The following JAM2 variants were observed in gnomAD, a reference collection of about 807,000 sequenced individuals.
The protein encoded by JAM2 is junctional adhesion molecule 2, also known as junctional adhesion molecule B.
A neutral mutation model predicts 42.0 loss-of-function variants in JAM2; 17 were observed. The observed-to-expected ratio is 0.40, with a 90% CI of 0.28 to 0.61. The LOEUF is 0.61. Ranked by LOEUF, JAM2 falls within the 20% of genes least tolerant of loss-of-function variation. The pLI is 0.37. For missense variants in JAM2, 319 were observed against 358.3 expected (o/e 0.89, Z 0.89); for synonymous variants, 118 against 128.6 (o/e 0.92, Z 0.56).
chr21:25,644,874 G>C (rs1358458533), intron 1 of JAM2, among the ~76,000 whole-genome samples: 1 of 146,898 alleles, frequency 6.8e-6, no homozygotes, highest in Non-Finnish European at 1.5e-5. Context: ...GGTTTTGTTT[G>C]TTTGTTTGTT....
intron 1 of JAM2, among the ~76,000 whole-genome samples, chr21:25,680,532 A>G (rs922942348): frequency 1.3e-5 from 2 of 152,232 alleles, no homozygotes; most frequent in Non-Finnish European, 2.9e-5. Context: ...GGGATTTGTA[A>G]AAATAAGACA....
intron 7 of JAM2, 89 bp downstream of exon 7, chr21:25,706,175 T>C (rs1384358084): frequency 1.2e-6 from 1 of 860,178 alleles, no homozygotes; most frequent in Non-Finnish European, 1.9e-6. Context: ...GAAGTTGTTT[T>C]TTTGTTTGTT....
At chr21:25,686,336 G>T (rs2033750966) in intron 2 of JAM2, among the ~76,000 whole-genome samples, 1 of 151,730 alleles carries the variant, frequency 6.6e-6, no homozygotes. Context: ...TCCAGTTTTG[G>T]CTCTTCATAA....
chr21:25,695,033 G>A (rs1356049005), intron 4 of JAM2, among the ~76,000 whole-genome samples: 2 of 151,452 alleles, frequency 1.3e-5, no homozygotes, highest in East Asian at 3.9e-4. Context: ...CGCAGAGGGG[G>A]ATTTGGCAGG....
In JAM2 at chr21:25,700,327, A is replaced by C. The variant is rs1464687528; in HGVS notation, c.597+1448A>C. 2.0e-5 allele frequency among the ~76,000 whole-genome samples: 3 copies of C among 151,604 alleles called. No homozygotes were observed. The East Asian group carries it at 5.8e-4, about 29-fold the overall frequency. On this transcript the variant is annotated intron_variant, in intron 5 of 9. Coordinates refer to ENST00000480456, the MANE Select transcript of JAM2 (RefSeq NM_021219.4). ...ATGACAGCGATTATCAAAAAAAAAA[A>C]CTTAAAGGCGTGGTGATAATAACAA...
At chr21:25,665,011 T>G (rs967489693) in intron 1 of JAM2, among the ~76,000 whole-genome samples, 1 of 152,256 alleles carries the variant, frequency 6.6e-6, no homozygotes, top group African/African-American at 2.4e-5. Flanking sequence ...AAAATGCTAC[T>G]TAATTTCATC....
intron 1 of JAM2, among the ~76,000 whole-genome samples, chr21:25,647,922 A>T (rs775284093): frequency 6.6e-6 from 1 of 152,236 alleles, no homozygotes; most frequent in Non-Finnish European, 1.5e-5. Context: ...TAAAAAATGC[A>T]CTAGAGGGCT....
At chr21:25,640,806 C>T (rs2032413288) in intron 1 of JAM2, among the ~76,000 whole-genome samples, 1 of 138,768 alleles carries the variant, frequency 7.2e-6, no homozygotes, top group African/African-American at 3.0e-5. Flanking sequence ...CTTTCTCTTT[C>T]TTCTTTCTTT....
chr21:25,678,814 A>T (rs182594882), intron 1 of JAM2, among the ~76,000 whole-genome samples: 40 of 152,268 alleles, frequency 2.6e-4, no homozygotes, highest in African/African-American at 8.9e-4. Context: ...AAATTAAAAA[A>T]ATATATATTT....
intron 1 of JAM2, among the ~76,000 whole-genome samples, chr21:25,651,229 T>C (rs144006093): frequency 6.6e-6 from 1 of 152,164 alleles, no homozygotes; most frequent in Non-Finnish European, 1.5e-5. Context: ...CAGAGTATTA[T>C]CACTGATATA....
chr21:25,670,552 G>C (rs2033336228), intron 1 of JAM2, among the ~76,000 whole-genome samples: 1 of 151,982 alleles, frequency 6.6e-6, no homozygotes, highest in South Asian at 2.1e-4. Flanking sequence ...GACCATTCTA[G>C]GAAGCAGCTC....
At chr21:25,676,125 T>TA (rs1218635862) in intron 1 of JAM2, among the ~76,000 whole-genome samples, 2 of 151,598 alleles carry the variant, frequency 1.3e-5, no homozygotes, top group African/African-American at 4.8e-5. Context: ...CCGTCTCTAC[T>TA]AAAAATACAA....
chr21:25,707,506 T>G (rs1210279485), intron 7 of JAM2, among the ~76,000 whole-genome samples: 1 of 152,110 alleles, frequency 6.6e-6, no homozygotes, highest in Non-Finnish European at 1.5e-5. Flanking sequence ...AAAAGAGAAT[T>G]GTTCAGTCAA....
chr21:25,717,126 G>T lies in JAM2; in HGVS notation c.*2454G>T, dbSNP rs2034494136. ...ATATTGTACATTACCTTAAACTATT[G>T]TAATAGCTAGGTAAAAATCCTTGTA... On this transcript the variant is annotated 3_prime_UTR_variant, in exon 10 of 10. Transcript: ENST00000480456. The T allele has an allele frequency of 6.6e-6, 1 of 152,576 alleles. No homozygotes were observed. Among genetic ancestry groups the T allele is most frequent in the South Asian group, 2.1e-4 (1 of 4,846 alleles). The allele number at this position is 152,576 out of a possible 1,614,324, so 9.5% of individuals were successfully genotyped here.
Position 25,717,508 on chromosome 21 carries a change from A to G in JAM2, c.*2836A>G. The G allele has an allele frequency of 7.0e-6, 7 of 998,460 alleles. No homozygotes were observed. The South Asian group carries it at 1.5e-4, about 21-fold the overall frequency. 61.9% of individuals were successfully genotyped at this position (998,460 alleles called of 1,614,324 possible). On this transcript the variant is annotated 3_prime_UTR_variant, in exon 10 of 10. Coordinates refer to ENST00000480456, the MANE Select transcript of JAM2 (RefSeq NM_021219.4). ...GCTTTTCAATACAACTTTGCAAAGAACTTCCTTTTTCCACAGGTGGCTTTG... is the reference window on the plus strand; with the variant it reads ...GCTTTTCAATACAACTTTGCAAAGAGCTTCCTTTTTCCACAGGTGGCTTTG...
intron 1 of JAM2, among the ~76,000 whole-genome samples, chr21:25,640,932 T>A (rs2032420591): frequency 6.6e-6 from 1 of 152,210 alleles, no homozygotes; most frequent in South Asian, 2.1e-4. Context: ...GAGTGTCTAA[T>A]ACCACAATAC....
At chr21:25,712,800 C>T (rs1473046329) in intron 9 of JAM2, among the ~76,000 whole-genome samples, 2 of 152,174 alleles carry the variant, frequency 1.3e-5, no homozygotes, top group Non-Finnish European at 2.9e-5. Context: ...TCCAGCAGAG[C>T]TGTGGTTCTA....
chr21:25,709,739 G>A, intron 8 of JAM2: 1 of 268,424 alleles, frequency 3.7e-6, no homozygotes, highest in Non-Finnish European at 7.0e-6. Flanking sequence ...GAGGCCTCAG[G>A]AAGCTTTTTA....
intron 1 of JAM2, among the ~76,000 whole-genome samples, chr21:25,651,666 C>T (rs1202812664): frequency 6.6e-6 from 1 of 152,158 alleles, no homozygotes; most frequent in African/African-American, 2.4e-5. Context: ...ATGCTTTATG[C>T]ATGGTGTTAT....
Sources: gnomAD v4.1 joint callset for allele counts (sites outside exome capture counted in the v4.1 genomes callset) on GRCh38, gnomAD v4.1.1 for gene constraint, MANE v1.5 for transcripts, NCBI Gene and HGNC (gene_info 2026-07-23, HGNC 2026-07-21) for gene names.